The following DPYD variants were observed in gnomAD, a reference collection of about 807,000 sequenced individuals.
The protein encoded by DPYD is dihydropyrimidine dehydrogenase [NADP(+)].
In DPYD, 109 loss-of-function variants were observed where a neutral mutation model predicts 116.2. That is an observed-to-expected ratio of 0.94 (90% CI 0.80 to 1.10). DPYD has a LOEUF of 1.10. DPYD is among the 50% of genes least tolerant of loss of function. DPYD has a pLI of 0.00. For synonymous variants in DPYD, 440 were observed against 432.0 expected (o/e 1.02, Z -0.23); for missense variants, 1,302 against 1,254.5 (o/e 1.04, Z -0.57).
intron 18 of DPYD, among the ~76,000 whole-genome samples, chr1:97,250,692 T>C (rs1236939941): frequency 6.6e-6 from 1 of 152,042 alleles, no homozygotes. Flanking sequence ...AAAGAGAGAA[T>C]AGAATGAATA....
At chr1:97,720,976 T>C (rs753504320) in intron 5 of DPYD, 20 of 1,589,492 alleles carry the variant, frequency 1.3e-5, no homozygotes, top group Admixed American at 3.6e-5. Context: ...TCCTTATACA[T>C]TTTTTACCCA....
At chr1:97,391,972 CAA>C (rs71740135) in intron 14 of DPYD, among the ~76,000 whole-genome samples, 8 of 151,328 alleles carry the variant, frequency 5.3e-5, no homozygotes, top group African/African-American at 1.9e-4. Flanking sequence ...AAAATTGATA[CAA>C]AAAAAATAAT....
chr1:97,631,148 A>G (rs2100794113), intron 8 of DPYD, among the ~76,000 whole-genome samples: 1 of 152,178 alleles, frequency 6.6e-6, no homozygotes, highest in African/African-American at 2.4e-5. Context: ...AGTCACTTCA[A>G]ACTGTCATTG....
intron 13 of DPYD, among the ~76,000 whole-genome samples, chr1:97,478,741 C>T (rs1434672281): frequency 2.6e-5 from 4 of 152,198 alleles, no homozygotes. Flanking sequence ...TGTAAAAGTC[C>T]TAGATGGCAT....
chr1:97,682,921 T>C lies in DPYD; in HGVS notation c.763-3739A>G, dbSNP rs550629597. 1.2e-4 allele frequency among the ~76,000 whole-genome samples: 18 copies of C among 152,234 alleles called. No individual in the cohort carries two copies. The South Asian group carries it at 2.9e-3, about 25-fold the overall frequency. ...ACTACTTTATTCCAGCAGTTCTGAA[T>C]GTCATATACCCTGAGCCAAAGTTCC... On this transcript the variant is annotated intron_variant, in intron 7 of 22. Transcript: ENST00000370192.
intron 3 of DPYD, among the ~76,000 whole-genome samples, chr1:97,813,836 T>C (rs548042740): frequency 2.0e-5 from 3 of 152,090 alleles, no homozygotes; most frequent in Non-Finnish European, 4.4e-5. Flanking sequence ...TGTATTCCTT[T>C]AATGAAGCTT....
At chr1:97,373,435 C>T in intron 16 of DPYD, 126 bp downstream of exon 16, 2 of 752,672 alleles carry the variant, frequency 2.7e-6, no homozygotes. Context: ...TTAAACAATG[C>T]AGACCTGGAA....
intron 18 of DPYD, among the ~76,000 whole-genome samples, chr1:97,264,589 A>G (rs1313845004): frequency 6.6e-6 from 1 of 152,120 alleles, no homozygotes; most frequent in African/African-American, 2.4e-5. Flanking sequence ...TGCATAAGCC[A>G]CATCCCTAAA....
At chr1:97,809,011 G>C (rs993262071) in intron 3 of DPYD, among the ~76,000 whole-genome samples, 3 of 152,118 alleles carry the variant, frequency 2.0e-5, no homozygotes, top group African/African-American at 7.2e-5. Context: ...AAATATGAGA[G>C]ATAAATTGAG....
intron 2 of DPYD, among the ~76,000 whole-genome samples, chr1:97,843,743 T>C (rs1460945912): frequency 6.6e-6 from 1 of 152,206 alleles, no homozygotes; most frequent in African/African-American, 2.4e-5. Flanking sequence ...ATTTGATCTG[T>C]ATGAATTTCC....
At chr1:97,452,223 C>T (rs899499076) in intron 13 of DPYD, among the ~76,000 whole-genome samples, 1 of 152,110 alleles carries the variant, frequency 6.6e-6, no homozygotes, top group African/African-American at 2.4e-5. Context: ...TGACTCATGC[C>T]ACCATAACAA....
intron 19 of DPYD, among the ~76,000 whole-genome samples, chr1:97,204,915 G>A (rs1041309355): frequency 1.3e-5 from 2 of 151,948 alleles, no homozygotes; most frequent in African/African-American, 2.4e-5. Flanking sequence ...AAGAGGACCC[G>A]ACTTGATCCT....
intron 12 of DPYD, among the ~76,000 whole-genome samples, chr1:97,516,365 C>T (rs549919089): frequency 1.3e-5 from 2 of 151,818 alleles, no homozygotes; most frequent in African/African-American, 4.8e-5. Context: ...ACTGTTTAGG[C>T]GATTTTAGGA....
chr1:97,123,189 A>T (rs1394084955), intron 20 of DPYD, among the ~76,000 whole-genome samples: 1 of 152,144 alleles, frequency 6.6e-6, no homozygotes, highest in Non-Finnish European at 1.5e-5. Context: ...GTAGGTTCTC[A>T]TTTGAATTCC....
intron 3 of DPYD, among the ~76,000 whole-genome samples, chr1:97,775,915 T>G (rs1045089558): frequency 1.3e-5 from 2 of 152,190 alleles, no homozygotes; most frequent in Admixed American, 6.5e-5. Flanking sequence ...AAAAATAATT[T>G]TCTATGATGT....
intron 13 of DPYD, among the ~76,000 whole-genome samples, chr1:97,490,487 A>T (rs1042178688): frequency 3.7e-5 from 5 of 134,704 alleles, no homozygotes; most frequent in Non-Finnish European, 6.4e-5. Context: ...ATATTGTGTT[A>T]TAATTACTAA....
intron 1 of DPYD, among the ~76,000 whole-genome samples, chr1:97,902,077 T>TTCTC (rs1279872859): frequency 2.0e-5 from 3 of 151,832 alleles, no homozygotes; most frequent in Non-Finnish European, 4.4e-5. Flanking sequence ...GATGACTGGC[T>TTCTC]ATTACCCTTC....
chr1:97,692,423 T>C (rs972514774), intron 6 of DPYD, among the ~76,000 whole-genome samples: 1 of 151,980 alleles, frequency 6.6e-6, no homozygotes, highest in Non-Finnish European at 1.5e-5. Context: ...ATTGCCTGCA[T>C]TTAAAAAAAA....
chr1:97,858,139 T>C (rs927798280), intron 2 of DPYD, among the ~76,000 whole-genome samples: 2 of 152,188 alleles, frequency 1.3e-5, no homozygotes, highest in African/African-American at 4.8e-5. Flanking sequence ...TTTTAACTTC[T>C]TCCCTTTTAT....
Sources: allele counts gnomAD v4.1 joint callset (sites outside exome capture counted in the v4.1 genomes callset), GRCh38; gene constraint gnomAD v4.1.1; transcripts MANE v1.5; gene names NCBI Gene and HGNC (gene_info 2026-07-23, HGNC 2026-07-21).